Variants in GRID2 observed in about 807,000 individuals in gnomAD.
GRID2 encodes the protein glutamate receptor ionotropic, delta-2.
GRID2 carries 33 observed loss-of-function variants against 114.8 expected under a neutral mutation model. The ratio of observed to expected loss-of-function variants is 0.29; its 90% CI spans 0.22 to 0.38. The LOEUF (loss-of-function observed/expected upper bound fraction) is 0.38. GRID2 is among the 10% of genes least tolerant of loss of function. GRID2 has a pLI of 1.00. For synonymous variants in GRID2, 505 were observed against 449.9 expected (o/e 1.12, Z -1.55); for missense variants, 1,184 against 1,257.7 (o/e 0.94, Z 0.89).
chr4:92,407,621 A>G (rs1392602623), intron 1 of GRID2, among the ~76,000 whole-genome samples: 3 of 152,086 alleles, frequency 2.0e-5, no homozygotes, highest in Admixed American at 1.3e-4. Flanking sequence ...AATAATTGCT[A>G]TTGTGACTGG....
At chr4:93,007,202 AACAAC>A (rs1211594686) in intron 2 of GRID2, among the ~76,000 whole-genome samples, 1 of 152,072 alleles carries the variant, frequency 6.6e-6, no homozygotes. Flanking sequence ...AGAAAATTCA[AACAAC>A]ACAACAGAAA....
intron 2 of GRID2, among the ~76,000 whole-genome samples, chr4:92,731,684 T>C (rs1262729822): frequency 6.6e-6 from 1 of 151,926 alleles, no homozygotes; most frequent in Non-Finnish European, 1.5e-5. Context: ...TTACTAATAT[T>C]TATTAATTAA....
intron 2 of GRID2, among the ~76,000 whole-genome samples, chr4:92,832,267 C>T (rs1039919109): frequency 1.6e-4 from 24 of 151,956 alleles, no homozygotes; most frequent in African/African-American, 5.1e-4. Context: ...AGATGAAACA[C>T]GATCTTTACT....
At chr4:92,607,134 C>T (rs937394734) in intron 2 of GRID2, among the ~76,000 whole-genome samples, 5 of 152,002 alleles carry the variant, frequency 3.3e-5, no homozygotes, top group Non-Finnish European at 5.9e-5. Context: ...TGCAATCAGA[C>T]CTTGGTAATT....
chr4:92,652,880 A>AC (rs1732019528), intron 2 of GRID2, among the ~76,000 whole-genome samples: 1 of 97,806 alleles, frequency 1.0e-5, no homozygotes, highest in Non-Finnish European at 2.2e-5. Flanking sequence ...AAATATATAA[A>AC]AATATATTTA....
intron 1 of GRID2, among the ~76,000 whole-genome samples, chr4:92,576,732 A>C (rs996982170): frequency 6.6e-6 from 1 of 152,126 alleles, no homozygotes; most frequent in Non-Finnish European, 1.5e-5. Flanking sequence ...CTGTGGTAGA[A>C]GTGTGGTTTC....
In GRID2 at chr4:92,936,038, TAATAA is replaced by T. The variant is rs989323735; in HGVS notation, c.245-148949_245-148945del. 6.9e-5 allele frequency among the ~76,000 whole-genome samples: 10 copies of T among 144,016 alleles called. 2 individuals carry two copies. The highest frequency in any genetic ancestry group is 9.8e-5 in the African/African-American group (4 of 40,750). 94.5% of individuals were successfully genotyped at this position (144,016 alleles called of 152,430 possible). A position where few individuals can be genotyped will look rare whatever the true frequency, so the allele number is the denominator to read the frequency against. ...TACCCTAAAACTTAAAGTATAATAA[TAATAA>T]AATAAAAAAAAGAAATTTAAATGCT... On this transcript the variant is annotated intron_variant, in intron 2 of 15. Coordinates refer to ENST00000282020, the MANE Select transcript of GRID2 (RefSeq NM_001510.4).
intron 2 of GRID2, among the ~76,000 whole-genome samples, chr4:93,008,071 G>A (rs1337651359): frequency 1.3e-5 from 2 of 150,996 alleles, no homozygotes; most frequent in African/African-American, 4.9e-5. Flanking sequence ...TTTTCATGTA[G>A]GTAATAGATG....
chr4:93,677,806 G>A (rs1373502779), intron 14 of GRID2, among the ~76,000 whole-genome samples: 1 of 152,088 alleles, frequency 6.6e-6, no homozygotes, highest in Non-Finnish European at 1.5e-5. Context: ...AAGACCAAAA[G>A]TAGATAAAAC....
intron 14 of GRID2, among the ~76,000 whole-genome samples, chr4:93,742,263 G>A (rs1023419665): frequency 2.6e-5 from 4 of 152,104 alleles, no homozygotes; most frequent in African/African-American, 9.7e-5. Flanking sequence ...CCAGGCACTA[G>A]CAACAAGCCA....
intron 2 of GRID2, among the ~76,000 whole-genome samples, chr4:92,605,663 C>T (rs2149223281): frequency 6.6e-6 from 1 of 152,152 alleles, no homozygotes; most frequent in Non-Finnish European, 1.5e-5. Context: ...GCATTCCAAG[C>T]TATTTCATAT....
intron 2 of GRID2, among the ~76,000 whole-genome samples, chr4:92,703,017 T>C (rs995594331): frequency 1.4e-4 from 21 of 152,318 alleles, no homozygotes; most frequent in African/African-American, 5.1e-4. Context: ...TCCCCAACTA[T>C]TTGGTCTCTG....
At chr4:92,652,604 C>G (rs1242709243) in intron 2 of GRID2, among the ~76,000 whole-genome samples, 1 of 133,276 alleles carries the variant, frequency 7.5e-6, no homozygotes, top group Non-Finnish European at 1.7e-5. Context: ...ATTGCTTGAG[C>G]CTGGAAAGTT....
At chr4:93,466,098 A>G (rs1724244654) in intron 11 of GRID2, among the ~76,000 whole-genome samples, 1 of 152,150 alleles carries the variant, frequency 6.6e-6, no homozygotes, top group East Asian at 1.9e-4. Flanking sequence ...TGTTTTGGGA[A>G]TTATATCTCG....
At chr4:92,355,740 T>C (rs532570669) in intron 1 of GRID2, among the ~76,000 whole-genome samples, 140 of 151,896 alleles carry the variant, frequency 9.2e-4, no homozygotes, top group African/African-American at 3.0e-3. Context: ...ATACGTAAAA[T>C]AGAGATAAAA....
At chr4:93,394,670 A>C (rs1765162262) in intron 8 of GRID2, among the ~76,000 whole-genome samples, 1 of 152,012 alleles carries the variant, frequency 6.6e-6, no homozygotes, top group Admixed American at 6.6e-5. Context: ...AAGATCTGTT[A>C]CATTTTTAAG....
At chr4:92,403,230 CT>C (rs1730871556) in intron 1 of GRID2, among the ~76,000 whole-genome samples, 1 of 152,188 alleles carries the variant, frequency 6.6e-6, no homozygotes, top group South Asian at 2.1e-4. Context: ...CAGGAAGAAG[CT>C]TTTTTGCTTT....
intron 2 of GRID2, among the ~76,000 whole-genome samples, chr4:92,633,675 T>C (rs1730921442): frequency 6.6e-6 from 1 of 152,138 alleles, no homozygotes; most frequent in African/African-American, 2.4e-5. Context: ...GATTTTGGGG[T>C]ACAGCTTGTG....
At chr4:92,391,919 A>G (rs1472429643) in intron 1 of GRID2, among the ~76,000 whole-genome samples, 1 of 152,192 alleles carries the variant, frequency 6.6e-6, no homozygotes, top group Admixed American at 6.5e-5. Context: ...TCTGCTGCTA[A>G]AATCAATTCT....
Sources: gnomAD v4.1 joint callset for allele counts (sites outside exome capture counted in the v4.1 genomes callset) on GRCh38, gnomAD v4.1.1 for gene constraint, MANE v1.5 for transcripts, NCBI Gene and HGNC (gene_info 2026-07-23, HGNC 2026-07-21) for gene names.